HMCN1: variants seen among roughly 807,000 people sequenced by gnomAD.
The protein encoded by HMCN1 is hemicentin-1.
A neutral mutation model predicts 625.9 loss-of-function variants in HMCN1; 321 were observed. The observed-to-expected ratio is 0.51, with a 90% CI of 0.47 to 0.56. The LOEUF (loss-of-function observed/expected upper bound fraction) is 0.56, where lower values mean the gene tolerates loss of function less well. Among genes scored for constraint, HMCN1 ranks in the 20% least tolerant of loss-of-function variants. The probability of loss-of-function intolerance (pLI) is 0.00; values close to 1 mark genes in which losing one functional copy is unlikely to be tolerated. For synonymous variants in HMCN1, 2,425 were observed against 2,417.6 expected, an observed-to-expected ratio of 1.00 and a Z score of -0.09; for missense variants, 6,588 against 6,887.3, an observed-to-expected ratio of 0.96 and a Z score of 1.54.
chr1:186,080,198 T>G (rs1659080561), intron 55 of HMCN1, among the ~76,000 whole-genome samples: 1 of 152,198 alleles, frequency 6.6e-6, no homozygotes, highest in South Asian at 2.1e-4. Context: ...AAAATAACAT[T>G]GAAATTCTAT....
In HMCN1 at chr1:186,023,046, G is replaced by A. The variant is rs768129329; in HGVS notation, c.5642G>A (p.Arg1881Gln). The A allele has an allele frequency of 9.9e-6, 16 of 1,613,212 alleles. 1 individual carries two copies. Among genetic ancestry groups the A allele is most frequent in the South Asian group, 3.3e-5 (3 of 91,066 alleles). ...QGNLKIQSSG[R>Q]VLQIAKTLLE... is the part of the protein sequence containing the mutation. ...CCCAATTAGATACAGTCTTCTGGTC[G>A]AGTTCTACAAATTGCCAAAACCCTG... Residue 1881 changes from arginine (R) to glutamine (Q), a missense_variant, in exon 36 of 107, where the codon CGA becomes CAA. By Grantham distance (43) the Arg-to-Gln change is conservative. Transcript: ENST00000271588.
At chr1:185,753,628 A>G (rs1464947177) in intron 1 of HMCN1, among the ~76,000 whole-genome samples, 2 of 152,082 alleles carry the variant, frequency 1.3e-5, no homozygotes, top group East Asian at 3.9e-4. Context: ...TAAAGTTTTG[A>G]TCTGTTGTAT....
rs1184746173 is a variant in HMCN1, at chr1:185,925,090, T to C, written c.1329T>C (p.Tyr443=). The change falls in exon 9 of 107, where the codon TAT becomes TAC. Residue 443 remains tyrosine, a synonymous_variant. Transcript: ENST00000271588. ...VTMPEKTPGY[Y]LQPGQIPCSV... Reference sequence around the variant, plus strand: ...TGCCTGAGAAAACCCCAGGATACTATCTGCAGCCGGGCCAAATTCCCTGCT... The same window carrying C: ...TGCCTGAGAAAACCCCAGGATACTACCTGCAGCCGGGCCAAATTCCCTGCT... 2 of 1,614,030 alleles carry C rather than the reference T, an allele frequency of 1.2e-6. No individual in the cohort carries two copies. Among genetic ancestry groups the C allele is most frequent in the African/African-American group, 1.3e-5 (1 of 75,012 alleles).
intron 14 of HMCN1, among the ~76,000 whole-genome samples, chr1:185,966,858 A>G (rs1410826439): frequency 6.6e-6 from 1 of 152,154 alleles, no homozygotes; most frequent in African/African-American, 2.4e-5. Flanking sequence ...GGCTTTATGT[A>G]GAAAATAAAT....
Position 186,076,716 on chromosome 1 carries a change from C to T in HMCN1, c.8485+94C>T, listed in dbSNP as rs1045384684. 20 of 1,268,836 alleles carry T rather than the reference C, an allele frequency of 1.6e-5. No homozygotes were observed. The African/African-American group carries it at 1.9e-4, about 12-fold the overall frequency. The allele number at this position is 1,268,836 out of a possible 1,614,324, so 78.6% of individuals were successfully genotyped here. Reference sequence around the variant, plus strand: ...CGAATTGAATTGGTTGGGTCTCTGGCTAAGTAATTTAACTGGCAGTTAGAC... The same window carrying T: ...CGAATTGAATTGGTTGGGTCTCTGGTTAAGTAATTTAACTGGCAGTTAGAC... On this transcript the variant is annotated intron_variant, in intron 54 of 106. Transcript: ENST00000271588.
chr1:185,853,342 T>C (rs1662274635), intron 2 of HMCN1, among the ~76,000 whole-genome samples: 1 of 152,162 alleles, frequency 6.6e-6, no homozygotes, highest in South Asian at 2.1e-4. Context: ...TGGTACTAAG[T>C]ATGATAAGCT....
chr1:186,172,557 TAAAA>T (rs1228421574), intron 102 of HMCN1, among the ~76,000 whole-genome samples: 2 of 151,978 alleles, frequency 1.3e-5, no homozygotes, highest in Non-Finnish European at 2.9e-5. Flanking sequence ...ACCAGACAAA[TAAAA>T]TAAATAATTT....
At chr1:185,879,096 A>T (rs760821698) in intron 4 of HMCN1, among the ~76,000 whole-genome samples, 1 of 152,104 alleles carries the variant, frequency 6.6e-6, no homozygotes, top group Non-Finnish European at 1.5e-5. Context: ...AATGCTTTCC[A>T]TTCTATTTTC....
At chr1:185,757,226 G>T (rs1046306576) in intron 1 of HMCN1, among the ~76,000 whole-genome samples, 3 of 152,022 alleles carry the variant, frequency 2.0e-5, no homozygotes, top group Non-Finnish European at 4.4e-5. Flanking sequence ...ACCCACCTCG[G>T]CCTCCCAAAG....
intron 4 of HMCN1, among the ~76,000 whole-genome samples, chr1:185,877,703 G>A (rs553864034): frequency 6.6e-6 from 1 of 151,790 alleles, no homozygotes; most frequent in Non-Finnish European, 1.5e-5. Flanking sequence ...ATATTCTTAG[G>A]TATTTTACTC....
intron 2 of HMCN1, among the ~76,000 whole-genome samples, chr1:185,852,624 A>T (rs1662234464): frequency 1.5e-5 from 2 of 133,768 alleles, no homozygotes; most frequent in South Asian, 2.4e-4. Context: ...ACACACACAC[A>T]CTTTAAAGGA....
intron 10 of HMCN1, among the ~76,000 whole-genome samples, chr1:185,932,623 A>G (rs1472793208): frequency 6.6e-6 from 1 of 152,144 alleles, no homozygotes; most frequent in East Asian, 1.9e-4. Flanking sequence ...ACAGGAACAG[A>G]AAACCAAACA....
chr1:186,115,616 C>A lies in HMCN1; in HGVS notation c.11561+202C>A, dbSNP rs185913381. 2.0e-3 allele frequency among the ~76,000 whole-genome samples: 302 copies of A among 152,176 alleles called. 5 individuals are homozygous for A. Among genetic ancestry groups the A allele is most frequent in the Middle Eastern group, 6.8e-3 (2 of 294 alleles). On this transcript the variant is annotated intron_variant, in intron 75 of 106. Coordinates refer to ENST00000271588, the MANE Select transcript of HMCN1 (RefSeq NM_031935.3). ...ATAGGTCATCTTTTCCATACATAAA[C>A]CCTGTGGATGAATGTCAGTGATTAT...
intron 46 of HMCN1, among the ~76,000 whole-genome samples, chr1:186,061,107 A>G (rs1194583899): frequency 6.6e-6 from 1 of 151,888 alleles, no homozygotes; most frequent in Non-Finnish European, 1.5e-5. Context: ...ACCTCTATCT[A>G]TCTCTTCATT....
At chr1:185,935,853 G>T (rs902480020) in intron 11 of HMCN1, among the ~76,000 whole-genome samples, 1 of 152,086 alleles carries the variant, frequency 6.6e-6, no homozygotes, top group Non-Finnish European at 1.5e-5. Flanking sequence ...AAAGCTATGG[G>T]TATTTGATGA....
At chr1:186,023,274 A>T (rs908725915) in intron 36 of HMCN1, 121 bp downstream of exon 36, 19 of 856,074 alleles carry the variant, frequency 2.2e-5, no homozygotes, top group Middle Eastern at 2.9e-4. Flanking sequence ...TAGTCTGTAT[A>T]AAAAAAACCT....
chr1:186,124,704 A>G (rs1431179027), intron 81 of HMCN1, among the ~76,000 whole-genome samples: 1 of 152,034 alleles, frequency 6.6e-6, no homozygotes, highest in Non-Finnish European at 1.5e-5. Context: ...GAAAGTAGCT[A>G]ATTAAAGTTT....
chr1:185,935,439 A>G (rs1167121538), intron 11 of HMCN1, among the ~76,000 whole-genome samples: 1 of 152,140 alleles, frequency 6.6e-6, no homozygotes, highest in African/African-American at 2.4e-5. Flanking sequence ...AAAACAGCAT[A>G]TACATCCATC....
rs533587662 is a variant in HMCN1, at chr1:185,822,166, G to A, written c.269-23860G>A. 2.0e-5 allele frequency among the ~76,000 whole-genome samples: 3 copies of A among 152,246 alleles called. No homozygotes were observed. In the South Asian group the frequency reaches 6.2e-4, roughly 32 times the overall value. ...ATACATTTGTCCAAACCCATACAGT[G>A]TACAACACCAAGAGGGGGAGCCCTA... On this transcript the variant is annotated intron_variant, in intron 1 of 106. Transcript: ENST00000271588.
Sources: allele counts gnomAD v4.1 joint callset (sites outside exome capture counted in the v4.1 genomes callset), GRCh38; gene constraint gnomAD v4.1.1; transcripts MANE v1.5; gene names NCBI Gene and HGNC (gene_info 2026-07-23, HGNC 2026-07-21).